Variants in TENM1 observed in about 807,000 individuals in gnomAD.
TENM1 encodes teneurin transmembrane protein 1, also known as teneurin-1.
In TENM1, 35 loss-of-function variants were observed where a neutral mutation model predicts 174.8. The observed-to-expected ratio is 0.20, with a 90% CI of 0.15 to 0.27. TENM1 has a LOEUF of 0.27. Among genes scored for constraint, TENM1 ranks in the 10% least tolerant of loss-of-function variants. The pLI is 1.00. For missense variants in TENM1, 1,633 were observed against 2,130.1 expected (o/e 0.77, Z 4.59); for synonymous variants, 781 against 798.7 (o/e 0.98, Z 0.37).
intron 1 of TENM1, among the ~76,000 whole-genome samples, chrX:124,910,992 T>G (rs1460405958): frequency 9.1e-6 from 1 of 109,972 alleles, no homozygotes; most frequent in African/African-American, 3.3e-5. Context: ...CACAGCTCAC[T>G]GCAGCTTTGA....
chrX:124,384,956 A>G lies in TENM1; in HGVS notation c.6077-102T>C, dbSNP rs1350798095. 8 of 729,241 alleles carry G rather than the reference A, an allele frequency of 1.1e-5. No homozygotes were observed. In the East Asian group the frequency reaches 2.8e-4, roughly 25 times the overall value. 60.1% of individuals were successfully genotyped at this position (729,241 alleles called of 1,213,427 possible). A position where few individuals can be genotyped will look rare whatever the true frequency, so the allele number is the denominator to read the frequency against. On this transcript the variant is annotated intron_variant, in intron 29 of 31. Transcript: ENST00000422452. ...ATTTAGTACTGGTGCTTTTATATTCATAATACAATATTAGAGACTGATCTC... is the reference window on the plus strand; with the variant it reads ...ATTTAGTACTGGTGCTTTTATATTCGTAATACAATATTAGAGACTGATCTC...
At chrX:124,520,469 G>C (rs760550967) in intron 18 of TENM1, 48 bp downstream of exon 21, 6 of 1,073,195 alleles carry the variant, frequency 5.6e-6, no homozygotes, top group African/African-American at 1.8e-5. Flanking sequence ...AGTATTTTCT[G>C]TTCTGTGCAT....
chrX:124,892,941 A>G (rs59332062), intron 3 of TENM1, among the ~76,000 whole-genome samples: 2,241 of 112,338 alleles, frequency 0.02, 51 homozygotes, highest in African/African-American at 0.069. Context: ...ATGAATGGAT[A>G]AAGTCAATGG....
chrX:124,521,211 A>T (rs2047841884), intron 17 of TENM1, among the ~76,000 whole-genome samples: 1 of 112,033 alleles, frequency 8.9e-6, no homozygotes, highest in Non-Finnish European at 1.9e-5. Flanking sequence ...GTCATATATC[A>T]TAAAACCATT....
At chrX:124,768,094 T>C (rs1242431627) in intron 3 of TENM1, among the ~76,000 whole-genome samples, 1 of 111,521 alleles carries the variant, frequency 9.0e-6, no homozygotes, top group African/African-American at 3.3e-5. Context: ...GAACCACAGC[T>C]GGAGAAGTGT....
the TENM1 span, among the ~76,000 whole-genome samples, chrX:125,163,311 C>G: frequency 9.1e-6 from 1 of 110,241 alleles, no homozygotes; most frequent in African/African-American, 3.3e-5. Flanking sequence ...TTGCAACAGG[C>G]TGTCATGACC....
the TENM1 span, among the ~76,000 whole-genome samples, chrX:124,987,949 T>A: frequency 9.0e-6 from 1 of 111,501 alleles, no homozygotes; most frequent in East Asian, 2.8e-4. Flanking sequence ...TACTGCATTT[T>A]ACCAGAGTTG....
the TENM1 span, among the ~76,000 whole-genome samples, chrX:125,001,488 TATTTG>T: frequency 1.8e-5 from 2 of 111,976 alleles, no homozygotes; most frequent in African/African-American, 3.2e-5. Flanking sequence ...TCTACTCCAT[TATTTG>T]ATTTAATAAT....
At chrX:125,078,042 C>A in the TENM1 span, among the ~76,000 whole-genome samples, 209 of 111,658 alleles carry the variant, frequency 1.9e-3, 1 homozygote, top group African/African-American at 6.6e-3. Context: ...GGAGGACAAA[C>A]CCTGGGGTAT....
chrX:125,042,940 A>G, the TENM1 span, among the ~76,000 whole-genome samples: 1 of 111,534 alleles, frequency 9.0e-6, no homozygotes, highest in Non-Finnish European at 1.9e-5. Context: ...TATGCAAGTT[A>G]ATTGCATTTA....
the TENM1 span, chrX:125,203,759 G>C: frequency 8.9e-6 from 1 of 112,651 alleles, no homozygotes; most frequent in Non-Finnish European, 1.9e-5. Context: ...GGTGGCGGGC[G>C]GGAGCGAGAA....
chrX:125,115,327 A>AC, the TENM1 span, among the ~76,000 whole-genome samples: 1 of 111,750 alleles, frequency 8.9e-6, no homozygotes, highest in African/African-American at 3.3e-5. Flanking sequence ...GAAAACTGGC[A>AC]CAAGACAAGG....
the TENM1 span, among the ~76,000 whole-genome samples, chrX:125,072,286 AT>A: frequency 2.7e-5 from 3 of 111,498 alleles, no homozygotes; most frequent in African/African-American, 9.8e-5. Context: ...TATCTTGTGT[AT>A]TTATTTTATA....
At chrX:124,862,530 G>C (rs1445527269) in intron 3 of TENM1, among the ~76,000 whole-genome samples, 1 of 110,900 alleles carries the variant, frequency 9.0e-6, no homozygotes, top group Non-Finnish European at 1.9e-5. Flanking sequence ...AAGGATAACC[G>C]GACCAAACTC....
the TENM1 span, among the ~76,000 whole-genome samples, chrX:124,981,488 TG>T: frequency 8.9e-6 from 1 of 111,987 alleles, no homozygotes; most frequent in Non-Finnish European, 1.9e-5. Context: ...TTGTGACATA[TG>T]GCATGCTTGT....
intron 3 of TENM1, among the ~76,000 whole-genome samples, chrX:124,889,100 G>T (rs185412832): frequency 2.3e-3 from 255 of 111,789 alleles, no homozygotes; most frequent in Non-Finnish European, 4.0e-3. Flanking sequence ...CTTTATCATG[G>T]TATTAACTAA....
At position 124,465,719 on chromosome X, in the gene TENM1, T is replaced by C. The variant is rs367939594; in HGVS notation, c.3950-12228A>G. On this transcript the variant is annotated intron_variant, in intron 22 of 31. Coordinates refer to ENST00000422452, the Ensembl canonical transcript of TENM1. ...TTCCCTGTTCTCATTTTCCCCCTTT[T>C]TTTTTCTCTCCAAACCCCAACCAGC... Among the ~76,000 whole-genome samples, 31 of 110,750 alleles carry C rather than the reference T, an allele frequency of 2.8e-4. No homozygotes were observed. In the East Asian group the frequency reaches 7.6e-3, roughly 27 times the overall value.
At chrX:125,020,735 T>A in the TENM1 span, among the ~76,000 whole-genome samples, 405 of 111,191 alleles carry the variant, frequency 3.6e-3, 4 homozygotes, top group African/African-American at 0.011. Context: ...AAATTAACTA[T>A]ATAACTGCCA....
chrX:125,184,235 G>T, the TENM1 span, among the ~76,000 whole-genome samples: 3 of 111,806 alleles, frequency 2.7e-5, no homozygotes, highest in Non-Finnish European at 5.6e-5. Context: ...CATTAGCTTA[G>T]TAAGACTAAC....
Sources: allele counts gnomAD v4.1 joint callset (sites outside exome capture counted in the v4.1 genomes callset), GRCh38; gene constraint gnomAD v4.1.1; transcripts MANE v1.5; gene names NCBI Gene and HGNC (gene_info 2026-07-23, HGNC 2026-07-21).